TTYH3: variants seen among roughly 807,000 people sequenced by gnomAD.
The protein encoded by TTYH3 is protein tweety homolog 3.
Under a neutral mutation model 68.2 loss-of-function variants are expected in TTYH3, and 23 were observed. The ratio of observed to expected loss-of-function variants is 0.34; its 90% confidence interval spans 0.24 to 0.48. The LOEUF (loss-of-function observed/expected upper bound fraction) is 0.48, where lower values mean the gene tolerates loss of function less well. Ranked by LOEUF, TTYH3 falls within the 20% of genes least tolerant of loss-of-function variation. TTYH3 has a pLI of 0.99. For missense variants in TTYH3, 768 were observed against 727.7 expected (o/e 1.06, Z -0.64); for synonymous variants, 360 against 332.8 (o/e 1.08, Z -0.89).
intron 1 of TTYH3, among the ~76,000 whole-genome samples, chr7:2,644,963 C>T (rs1785941843): frequency 6.6e-6 from 1 of 152,262 alleles, no homozygotes; most frequent in Non-Finnish European, 1.5e-5. Flanking sequence ...AGGGGACCAT[C>T]TGCCCCAGCA....
intron 1 of TTYH3, among the ~76,000 whole-genome samples, chr7:2,633,558 G>T (rs992329947): frequency 1.3e-5 from 2 of 152,232 alleles, no homozygotes; most frequent in Admixed American, 1.3e-4. Context: ...AAAATCTCAC[G>T]CCTGCGTTCT....
intron 13 of TTYH3, chr7:2,660,645 C>T: frequency 3.7e-6 from 3 of 812,084 alleles, no homozygotes; most frequent in Non-Finnish European, 4.5e-6. Flanking sequence ...CCCCCACCCC[C>T]TCCGTGGCGT....
intron 5 of TTYH3, 125 bp from the exon 6 acceptor site, chr7:2,649,442 A>G (rs1786098457): frequency 1.1e-6 from 1 of 912,318 alleles, no homozygotes; most frequent in African/African-American, 1.6e-5. Flanking sequence ...CCACAGGAAG[A>G]GCCCCAGCCC....
intron 1 of TTYH3, among the ~76,000 whole-genome samples, chr7:2,637,876 C>T (rs559027887): frequency 6.6e-6 from 1 of 152,316 alleles, no homozygotes; most frequent in South Asian, 2.1e-4. Flanking sequence ...TGTGGGGCAG[C>T]ACCCACTGTG....
At chr7:2,660,478 C>T in intron 13 of TTYH3, 10 of 985,442 alleles carry the variant, frequency 1.0e-5, no homozygotes, top group Non-Finnish European at 1.2e-5. Context: ...ACGTGAGCTT[C>T]TCCCGCTGGC....
chr7:2,643,640 G>C lies in TTYH3; in HGVS notation c.124-3213G>C, dbSNP rs139560695. On this transcript the variant is annotated intron_variant, in intron 1 of 13. Coordinates refer to ENST00000258796, the MANE Select transcript of TTYH3 (RefSeq NM_025250.3). The stretch of plus-strand genomic sequence containing the variant: ...CTGAGGGACGGGCTTGCCTCGCCCA[G>C]ATCCTGTTTGGCCAGGGCTTATCTC... 4.6e-3 allele frequency among the ~76,000 whole-genome samples: 698 copies of C among 152,370 alleles called. 5 individuals carry two copies. Among genetic ancestry groups the C allele is most frequent in the Middle Eastern group, 0.024 (7 of 294 alleles).
intron 9 of TTYH3, among the ~76,000 whole-genome samples, chr7:2,653,819 C>T (rs187720436): frequency 0.011 from 1,735 of 152,262 alleles, 37 homozygotes; most frequent in African/African-American, 0.04. Context: ...GCGGAGATCA[C>T]GCCACTGCAC....
intron 1 of TTYH3, among the ~76,000 whole-genome samples, chr7:2,640,466 C>G (rs1234093431): frequency 6.6e-6 from 1 of 152,160 alleles, no homozygotes. Flanking sequence ...GAGTGGCATG[C>G]TTCCTCACAC....
intron 5 of TTYH3, 33 bp from the exon 6 acceptor site, chr7:2,649,534 C>G: frequency 1.9e-6 from 3 of 1,552,616 alleles, no homozygotes; most frequent in Non-Finnish European, 2.6e-6. Flanking sequence ...CCACCCTGGC[C>G]TGGGGGCTGC....
intron 1 of TTYH3, among the ~76,000 whole-genome samples, chr7:2,641,025 C>T (rs1202261959): frequency 6.6e-6 from 1 of 152,162 alleles, no homozygotes; most frequent in African/African-American, 2.4e-5. Context: ...GACAATGGGG[C>T]TTCCCTGAAG....
intron 1 of TTYH3, among the ~76,000 whole-genome samples, chr7:2,635,956 C>T (rs758355117): frequency 2.0e-5 from 3 of 152,234 alleles, no homozygotes; most frequent in Admixed American, 6.5e-5. Flanking sequence ...CTCAGCCCCA[C>T]GTGCCAGAGG....
chr7:2,633,987 G>T (rs1785592335), intron 1 of TTYH3, among the ~76,000 whole-genome samples: 1 of 152,248 alleles, frequency 6.6e-6, no homozygotes. Flanking sequence ...CTGGCCTCCA[G>T]CAGGGTGCTA....
chr7:2,633,133 AG>A (rs1454964052), intron 1 of TTYH3, among the ~76,000 whole-genome samples: 2 of 152,168 alleles, frequency 1.3e-5, no homozygotes, highest in Non-Finnish European at 2.9e-5. Context: ...AGTGCGGGGC[AG>A]GGGACCAAGC....
At chr7:2,633,128 G>A (rs1785565157) in intron 1 of TTYH3, among the ~76,000 whole-genome samples, 3 of 152,188 alleles carry the variant, frequency 2.0e-5, no homozygotes, top group South Asian at 2.1e-4. Flanking sequence ...ATTTGAGTGC[G>A]GGGCAGGGGA....
intron 9 of TTYH3, 104 bp from the exon 10 acceptor site, chr7:2,655,988 T>C (rs1786321953): frequency 5.5e-6 from 5 of 901,456 alleles, no homozygotes; most frequent in Non-Finnish European, 8.4e-6. Flanking sequence ...CAGTCGAAGA[T>C]TATGGGCTGG....
chr7:2,649,511 G>A, intron 5 of TTYH3, 56 bp from the exon 6 acceptor site: 1 of 1,518,580 alleles, frequency 6.6e-7, no homozygotes, highest in Non-Finnish European at 8.8e-7. Context: ...CAGCCCAGCA[G>A]GTGGCACGGC....
At chr7:2,652,878 C>T in intron 8 of TTYH3, 40 bp from the exon 9 acceptor site, 2 of 1,490,932 alleles carry the variant, frequency 1.3e-6, no homozygotes, top group South Asian at 2.7e-5. Context: ...GGCGGGCGGA[C>T]CCAGCAGCGC....
chr7:2,649,597 C>T lies in TTYH3; in HGVS notation c.753C>T (p.Val251=). 2 of 1,597,606 alleles carry T rather than the reference C, an allele frequency of 1.3e-6. No individual in the cohort carries two copies. The highest frequency in any genetic ancestry group is 1.7e-6 in the Non-Finnish European group (2 of 1,177,036). The stretch of plus-strand genomic sequence containing the variant: ...GCCTGCTGGGAGTCCTGGCCCTGGT[C>T]ATCAGCTGGGGCGCGCTGGGCTTGG... ...GVCLLGVLAL[V]ISWGALGLEL... Residue 251 remains valine (V), a synonymous_variant, in exon 6 of 14, where the codon GTC becomes GTT. Transcript: ENST00000258796.
chr7:2,649,327 G>C (rs778060626), intron 5 of TTYH3, among the ~76,000 whole-genome samples: 1 of 152,106 alleles, frequency 6.6e-6, no homozygotes, highest in Non-Finnish European at 1.5e-5. Flanking sequence ...CAAGAGCCAC[G>C]TGGCCCTCCA....
Sources: allele counts gnomAD v4.1 joint callset (sites outside exome capture counted in the v4.1 genomes callset), GRCh38; gene constraint gnomAD v4.1.1; transcripts MANE v1.5; gene names NCBI Gene and HGNC (gene_info 2026-07-23, HGNC 2026-07-21).